Variants in OTC observed in about 807,000 individuals in gnomAD.
OTC encodes the protein ornithine transcarbamylase, mitochondrial.
OTC carries 3 observed loss-of-function variants against 30.3 expected under a neutral mutation model. The observed-to-expected ratio is 0.10, with a 90% CI of 0.05 to 0.26. The LOEUF (loss-of-function observed/expected upper bound fraction) is 0.26. Among genes scored for constraint, OTC ranks in the 10% least tolerant of loss-of-function variants. The probability of loss-of-function intolerance (pLI) is 1.00; values close to 1 mark genes in which losing one functional copy is unlikely to be tolerated. For synonymous variants in OTC, 111 were observed against 99.7 expected, an observed-to-expected ratio of 1.11 and a Z score of -0.67; for missense variants, 194 against 260.3, an observed-to-expected ratio of 0.75 and a Z score of 1.75.
Position 38,414,724 on chromosome X carries a change from G to A in OTC, c.1005+2725G>A, listed in dbSNP as rs186765540. ...AGGCTACAGGAATTCTGTTGAGAAG[G>A]ATTTTGAGCCTGCCTATGGTGTGAG... On this transcript the variant is annotated intron_variant, in intron 9 of 9. Transcript: ENST00000039007. Among the ~76,000 whole-genome samples, 18 of 112,145 alleles carry A rather than the reference G, an allele frequency of 1.6e-4. No individual in the cohort carries two copies. The East Asian group carries it at 4.8e-3, about 30-fold the overall frequency.
Position 38,408,823 on chromosome X carries a change from T to C in OTC, c.717+28T>C, listed in dbSNP as rs764637016. On this transcript the variant is annotated intron_variant, in intron 7 of 9. Coordinates refer to ENST00000039007, the MANE Select transcript of OTC (RefSeq NM_000531.6). The stretch of plus-strand genomic sequence containing the variant: ...ATGCTCTTTACATGTAAAGCTATTA[T>C]TGCCTTTTACTGTCCCATGAAGTTA... 4.1e-6 allele frequency: 5 copies of C among 1,207,753 alleles called. No homozygotes were observed. In the South Asian group the frequency reaches 7.0e-5, roughly 17 times the overall value.
chrX:38,358,767 G>A (rs766358483), intron 1 of OTC, among the ~76,000 whole-genome samples: 15 of 108,376 alleles, frequency 1.4e-4, no homozygotes, highest in Middle Eastern at 4.6e-3. Flanking sequence ...GATTACAGAC[G>A]TCTGCCACCA....
rs942512343 is a variant in OTC, at chrX:38,369,937, G to A, written c.298+60G>A. On this transcript the variant is annotated intron_variant, in intron 3 of 9. Transcript: ENST00000039007. ...GAGAGGGATTGAAGGTGAAGACTTT[G>A]GAGGGGTAACCCAGTGCGGGGATTT... 9 of 807,351 alleles carry A rather than the reference G, an allele frequency of 1.1e-5. No homozygotes were observed. The African/African-American group carries it at 1.2e-4, about 11-fold the overall frequency. The allele number at this position is 807,351 out of a possible 1,213,427, so 66.5% of individuals were successfully genotyped here. A position where few individuals can be genotyped will look rare whatever the true frequency, so the allele number is the denominator to read the frequency against.
intron 4 of OTC, among the ~76,000 whole-genome samples, chrX:38,391,259 G>T (rs754019679): frequency 3.5e-4 from 39 of 110,948 alleles, no homozygotes; most frequent in Admixed American, 8.7e-4. Flanking sequence ...TGGGGGAAGG[G>T]GGGAGGGATA....
intron 3 of OTC, among the ~76,000 whole-genome samples, chrX:38,375,415 G>A (rs2068342140): frequency 8.9e-6 from 1 of 111,972 alleles, no homozygotes; most frequent in Admixed American, 9.5e-5. Flanking sequence ...AGACTGTGGG[G>A]AGCCCAGGGT....
In OTC at chrX:38,397,996, AC is replaced by A. The variant is rs1189744348; in HGVS notation, c.387-3277del. ...AAGTGTTGCAACCTGAATAAAGCCA[AC>A]CAGGCATACTCCCATGAAATTACAC... On this transcript the variant is annotated intron_variant, in intron 4 of 9. Transcript: ENST00000039007. 6.2e-5 allele frequency among the ~76,000 whole-genome samples: 7 copies of A among 112,183 alleles called. No individual in the cohort carries two copies. In the South Asian group the frequency reaches 2.2e-3, roughly 36 times the overall value.
chrX:38,402,197 G>C (rs1434705038), intron 5 of OTC, among the ~76,000 whole-genome samples: 2 of 112,348 alleles, frequency 1.8e-5, no homozygotes, highest in Admixed American at 1.9e-4. Flanking sequence ...TGAGATCCAT[G>C]CAGAGAAGAT....
intron 6 of OTC, 106 bp from the exon 7 acceptor site, chrX:38,408,636 C>A: frequency 1.8e-6 from 1 of 552,969 alleles, no homozygotes; most frequent in Non-Finnish European, 3.0e-6. Context: ...GGGACCACAT[C>A]TTGAAAAAGG....
At chrX:38,367,981 G>C (rs1439075348) in intron 2 of OTC, among the ~76,000 whole-genome samples, 1 of 111,369 alleles carries the variant, frequency 9.0e-6, no homozygotes, top group Non-Finnish European at 1.9e-5. Context: ...GCATCCCAAA[G>C]TGCTGGGATC....
chrX:38,351,043 A>G (rs2068212475), upstream of OTC, among the ~76,000 whole-genome samples: 1 of 111,340 alleles, frequency 9.0e-6, no homozygotes, highest in African/African-American at 3.3e-5. Flanking sequence ...TGTTTTTTAA[A>G]TTCACTCTCT....
chrX:38,414,129 C>G (rs1400153515), intron 9 of OTC, among the ~76,000 whole-genome samples: 1 of 111,709 alleles, frequency 9.0e-6, no homozygotes, highest in African/African-American at 3.3e-5. Flanking sequence ...CTCTGTTTTT[C>G]ATCAGAAGAC....
intron 1 of OTC, 58 bp downstream of exon 1, chrX:38,352,831 A>G (rs751325908): frequency 8.2e-5 from 71 of 871,106 alleles, no homozygotes; most frequent in Admixed American, 5.5e-4. Flanking sequence ...GCATAAAACT[A>G]TATTCTGCAG....
At chrX:38,396,119 A>T (rs1602027098) in intron 4 of OTC, among the ~76,000 whole-genome samples, 2 of 97,606 alleles carry the variant, frequency 2.0e-5, no homozygotes, top group South Asian at 9.7e-4. Context: ...CGCCCGGCTA[A>T]TTTTTTTTTT....
chrX:38,384,493 A>G (rs1166415991), intron 4 of OTC, among the ~76,000 whole-genome samples: 6 of 112,583 alleles, frequency 5.3e-5, no homozygotes, highest in Non-Finnish European at 1.1e-4. Context: ...CACAGATGCA[A>G]TTGAATAGGA....
At chrX:38,348,683 CCCG>C (rs1323593198), upstream of OTC, among the ~76,000 whole-genome samples, 1 of 109,191 alleles carries the variant, frequency 9.2e-6, no homozygotes, top group Non-Finnish European at 1.9e-5. Flanking sequence ...ACTACAGGCA[CCCG>C]CCACCACACC....
At chrX:38,383,482 A>G (rs2068386539) in intron 4 of OTC, among the ~76,000 whole-genome samples, 1 of 111,848 alleles carries the variant, frequency 8.9e-6, no homozygotes, top group Non-Finnish European at 1.9e-5. Context: ...TCAGCCCACG[A>G]GAGGGGCAGC....
chrX:38,402,669 A>C (rs1001889956), intron 5 of OTC, among the ~76,000 whole-genome samples: 4 of 112,107 alleles, frequency 3.6e-5, no homozygotes, highest in African/African-American at 1.3e-4. Context: ...TTTTTCAATA[A>C]AACATTAAAG....
chrX:38,340,890 G>A, the OTC span, among the ~76,000 whole-genome samples: 1 of 109,726 alleles, frequency 9.1e-6, no homozygotes, highest in Non-Finnish European at 1.9e-5. Flanking sequence ...TCTGCCTCCC[G>A]GGTTCAAGCA....
chrX:38,329,187 T>G, the OTC span, among the ~76,000 whole-genome samples: 2 of 111,040 alleles, frequency 1.8e-5, no homozygotes, highest in East Asian at 5.6e-4. Context: ...CATAAGCAAA[T>G]AGCAGGAGGG....
Sources: gnomAD v4.1 joint callset for allele counts (sites outside exome capture counted in the v4.1 genomes callset) on GRCh38, gnomAD v4.1.1 for gene constraint, MANE v1.5 for transcripts, NCBI Gene and HGNC (gene_info 2026-07-23, HGNC 2026-07-21) for gene names.